The following CPAMD8 variants were observed in gnomAD, a reference collection of about 807,000 sequenced individuals.
CPAMD8 encodes the protein C3 and PZP like alpha-2-macroglobulin domain containing 8, also known as C3 and PZP-like alpha-2-macroglobulin domain-containing protein 8.
CPAMD8 carries 146 observed loss-of-function variants against 224.7 expected under a neutral mutation model. The observed-to-expected ratio is 0.65, with a 90% CI of 0.57 to 0.75. The LOEUF (loss-of-function observed/expected upper bound fraction) is 0.75. Among genes scored for constraint, CPAMD8 ranks in the 30% least tolerant of loss-of-function variants. The pLI, the probability that CPAMD8 is intolerant of heterozygous loss-of-function variation, is 0.00. For missense variants in CPAMD8, 2,301 were observed against 2,537.5 expected, an observed-to-expected ratio of 0.91 and a Z score of 2.00; for synonymous variants, 966 against 1,044.6, an observed-to-expected ratio of 0.92 and a Z score of 1.45.
At chr19:16,910,936 G>A (rs568069378) in intron 29 of CPAMD8, among the ~76,000 whole-genome samples, 1 of 152,342 alleles carries the variant, frequency 6.6e-6, no homozygotes, top group African/African-American at 2.4e-5. Flanking sequence ...TTCCCTTAGA[G>A]CCTGCAGAGG....
rs1368837215 is a variant in CPAMD8 at position 16,896,310 on chromosome 19, G to T, written c.5292C>A (p.Ala1764=). 6.2e-7 allele frequency: 1 copy of T among 1,608,388 alleles called. No homozygotes were observed. The highest frequency in any genetic ancestry group is 1.3e-5 in the African/African-American group (1 of 74,830). Residue 1764 remains alanine (A), a synonymous_variant, in exon 41 of 42, where the codon GCC becomes GCA. Transcript: ENST00000443236. The part of the protein sequence containing the change: ...SCCALEQRLP[A]SSSSTYGDDL... The stretch of plus-strand genomic sequence containing the variant: ...CATCCCCGTAGGTGGAGGACGACGA[G>T]GCCGGCAGCCGCTGCTCTGGAAGGA...
rs2055259673 is a variant in CPAMD8, at chr19:16,976,113, C to T, written c.1797G>A (p.Gly599=). Residue 599 remains glycine, a synonymous_variant, in exon 16 of 42, where the codon GGG becomes GGA. Transcript: ENST00000443236. The part of the protein sequence containing the change: ...VTYSANETQP[G]EVVDLRIRAA... The stretch of plus-strand genomic sequence containing the variant: ...CCCTGATCCGCAGGTCGACAACCTC[C>T]CCAGGTTGGGTCTCATTTGCTGAAT... 1 of 1,612,346 alleles carries T rather than the reference C, an allele frequency of 6.2e-7. No individual in the cohort carries two copies.
At chr19:16,993,807 G>A (rs1221315950) in intron 11 of CPAMD8, among the ~76,000 whole-genome samples, 8 of 152,156 alleles carry the variant, frequency 5.3e-5, no homozygotes, top group Admixed American at 2.0e-4. Context: ...GAGTGGTGGC[G>A]TGTGCCTGTG....
chr19:16,936,292 C>T (rs2145015584), intron 23 of CPAMD8, among the ~76,000 whole-genome samples: 1 of 152,268 alleles, frequency 6.6e-6, no homozygotes, highest in East Asian at 1.9e-4. Flanking sequence ...CTGTAATTTG[C>T]ATTTCCCTAA....
At chr19:16,978,301 A>AC (rs1192521301) in intron 14 of CPAMD8, among the ~76,000 whole-genome samples, 1 of 151,788 alleles carries the variant, frequency 6.6e-6, no homozygotes, top group Non-Finnish European at 1.5e-5. Context: ...TGAAACCCCC[A>AC]CCCCCAAGTC....
At chr19:17,008,717 T>C (rs1206506899) in intron 6 of CPAMD8, 158 bp from the exon 7 acceptor site, 1 of 832,886 alleles carries the variant, frequency 1.2e-6, no homozygotes, top group Non-Finnish European at 2.0e-6. Flanking sequence ...AAAAAAGCTC[T>C]GGATAGAGAA....
At chr19:16,975,691 G>A (rs1390233063) in intron 16 of CPAMD8, among the ~76,000 whole-genome samples, 1 of 152,052 alleles carries the variant, frequency 6.6e-6, no homozygotes, top group East Asian at 1.9e-4. Flanking sequence ...CCAGGCAACA[G>A]AGCAACATCC....
At position 16,971,013 on chromosome 19, in the gene CPAMD8, C is replaced by T. The variant is rs1169523065; in HGVS notation, c.2091G>A (p.Met697Ile). 5.6e-6 allele frequency: 9 copies of T among 1,609,302 alleles called. No homozygotes were observed. In the African/African-American group the frequency reaches 1.2e-4, roughly 22 times the overall value. Residue 697 changes from methionine (M) to isoleucine (I), a missense_variant, in exon 18 of 42, where the codon ATG (methionine) becomes ATA (isoleucine). Met to Ile is a conservative substitution (Grantham distance 10). Transcript: ENST00000443236. ...FAFTETGLVVMTDRVSLNHRQ... is the reference protein window; with the variant it reads ...FAFTETGLVVITDRVSLNHRQ... ...GGTGGTTCAGGCTCACTCGGTCGGT[C>T]ATCACCACCAGTCCCGTTTCCTAGG...
Position 16,927,473 on chromosome 19 carries a change from T to C in CPAMD8, c.3370+536A>G, listed in dbSNP as rs377104889. Among the ~76,000 whole-genome samples the C allele has an allele frequency of 1.2e-3, 190 of 152,100 alleles. 4 individuals carry two copies. In the South Asian group the frequency reaches 0.037, roughly 30 times the overall value. On this transcript the variant is annotated intron_variant, in intron 25 of 41. Coordinates refer to ENST00000443236, the MANE Select transcript of CPAMD8 (RefSeq NM_015692.5). ...CTTGGGTATGTCTTTATCAGCAGCA[T>C]GAAAACAGACTAATACACATCCCAA...
chr19:16,987,167 AAAAAAAAAAAAAAT>A (rs2055754792), intron 13 of CPAMD8, among the ~76,000 whole-genome samples: 5 of 96,524 alleles, frequency 5.2e-5, no homozygotes, highest in African/African-American at 2.5e-4. Context: ...AAAAAAAAAA[AAAAAAAAAAAAAAT>A]ATATATATAT....
chr19:16,911,639 A>G (rs2052732298), intron 29 of CPAMD8, among the ~76,000 whole-genome samples: 1 of 152,148 alleles, frequency 6.6e-6, no homozygotes. Flanking sequence ...TCTGCCTCCC[A>G]GGTTCACGCC....
In CPAMD8 at chr19:16,937,702, G is replaced by T. The variant is rs185431475; in HGVS notation, c.2845+693C>A. Among the ~76,000 whole-genome samples, 317 of 149,380 alleles carry T rather than the reference G, an allele frequency of 2.1e-3. 1 individual carries two copies. Among genetic ancestry groups the T allele is most frequent in the African/African-American group, 7.4e-3 (301 of 40,664 alleles). ...GAGTCTCGCTCTGTCACCCAGGCTG[G>T]AGTGCAATGGCGTGATCTCGGCTCA... is the stretch of plus-strand genomic sequence containing the variant. On this transcript the variant is annotated intron_variant, in intron 23 of 41. Coordinates refer to ENST00000443236, the MANE Select transcript of CPAMD8 (RefSeq NM_015692.5).
chr19:16,896,628 A>G lies in CPAMD8; in HGVS notation c.5103T>C (p.Pro1701=). 4.0e-6 allele frequency: 6 copies of G among 1,494,046 alleles called. No individual in the cohort carries two copies. The highest frequency in any genetic ancestry group is 5.3e-6 in the Non-Finnish European group (6 of 1,126,972). 92.5% of individuals were successfully genotyped at this position (1,494,046 alleles called of 1,614,324 possible). A position where few individuals can be genotyped will look rare whatever the true frequency, so the allele number is the denominator to read the frequency against. The change falls in exon 40 of 42, where the codon CCT becomes CCC. Residue 1701 remains proline (P), a synonymous_variant. Transcript: ENST00000443236. The stretch of plus-strand genomic sequence containing the variant: ...ATCGCGCGATCGCCGCCCCCTCCTC[A>G]GGGGCCACGGCAGGGCCCGACTCGC... The part of the protein sequence containing the change: ...FPGESGPAVA[P]EEGAAIARCG...
In CPAMD8 at chr19:16,997,303, C is replaced by T. The variant is rs565010862; in HGVS notation, c.903G>A (p.Arg301=). 7 of 1,583,404 alleles carry T rather than the reference C, an allele frequency of 4.4e-6. No homozygotes were observed. The East Asian group carries it at 6.8e-5, about 15-fold the overall frequency. ...CAGGGACGTCCGCTGGGATCATGTCCCTCACGCAGATGTCGAAGTCCCGGG... is the reference window on the plus strand; with the variant it reads ...CAGGGACGTCCGCTGGGATCATGTCTCTCACGCAGATGTCGAAGTCCCGGG... The part of the protein sequence containing the change: ...LGSRDFDICV[R]DMIPADVPEH... Residue 301 remains arginine (R), a synonymous_variant, in exon 11 of 42, where the codon AGG becomes AGA. Coordinates refer to ENST00000443236, the MANE Select transcript of CPAMD8 (RefSeq NM_015692.5).
At chr19:17,000,354 T>C (rs537962580) in intron 10 of CPAMD8, 60 bp downstream of exon 10, 4 of 715,982 alleles carry the variant, frequency 5.6e-6, no homozygotes, top group African/African-American at 3.5e-5. Flanking sequence ...ATAAAATGTG[T>C]GCTGGTGGAG....
intron 27 of CPAMD8, among the ~76,000 whole-genome samples, chr19:16,915,045 A>G (rs1441616331): frequency 6.6e-6 from 1 of 152,088 alleles, no homozygotes; most frequent in Admixed American, 6.5e-5. Flanking sequence ...CTGGACCTCT[A>G]CCCTAGTGGC....
At position 16,929,176 on chromosome 19, in the gene CPAMD8, G is replaced by A; in HGVS notation, c.2910C>T (p.Leu970=). 6.2e-7 allele frequency: 1 copy of A among 1,614,124 alleles called. No individual in the cohort carries two copies. Among genetic ancestry groups the A allele is most frequent in the African/African-American group, 1.3e-5 (1 of 75,064 alleles). The stretch of plus-strand genomic sequence containing the variant: ...CTCGCACAGCCACATCAAAGCGGGT[G>A]AGGCGCAGTGGCCGCTGCACATACT... ...EFQYVQRPLR[L]TRFDVAVRAH... is the part of the protein sequence containing the mutation. The change falls in exon 24 of 42, where the codon CTC becomes CTT. Residue 970 remains leucine, a synonymous_variant. Transcript: ENST00000443236.
intron 30 of CPAMD8, among the ~76,000 whole-genome samples, chr19:16,906,391 T>TTTCTTTCC (rs1568459676): frequency 1.3e-5 from 1 of 78,742 alleles, no homozygotes. Flanking sequence ...TCTTTCTTTC[T>TTTCTTTCC]TTCTTTCTTT....
At chr19:16,896,073 G>A in intron 41 of CPAMD8, 103 bp downstream of exon 41, 1 of 1,321,840 alleles carries the variant, frequency 7.6e-7, no homozygotes, top group Non-Finnish European at 1.1e-6. Context: ...GTCGGGGCGG[G>A]GCGGAGGAGT....
Sources: allele counts gnomAD v4.1 joint callset (sites outside exome capture counted in the v4.1 genomes callset), GRCh38; gene constraint gnomAD v4.1.1; transcripts MANE v1.5; gene names NCBI Gene and HGNC (gene_info 2026-07-23, HGNC 2026-07-21).